The following SLC2A9 variants were observed in gnomAD, a reference collection of about 807,000 sequenced individuals.
The protein encoded by SLC2A9 is solute carrier family 2, facilitated glucose transporter member 9.
Under a neutral mutation model 50.6 loss-of-function variants are expected in SLC2A9, and 39 were observed. The ratio of observed to expected loss-of-function variants is 0.77; its 90% CI spans 0.60 to 1.01. The LOEUF is 1.01. SLC2A9 is among the 50% of genes least tolerant of loss of function. SLC2A9 has a pLI of 0.00. For synonymous variants in SLC2A9, 324 were observed against 276.9 expected, an observed-to-expected ratio of 1.17 and a Z score of -1.69; for missense variants, 686 against 677.6, an observed-to-expected ratio of 1.01 and a Z score of -0.14.
At chr4:9,918,643 C>T (rs1387823068) in intron 7 of SLC2A9, among the ~76,000 whole-genome samples, 1 of 152,206 alleles carries the variant, frequency 6.6e-6, no homozygotes, top group Non-Finnish European at 1.5e-5. Context: ...TCCTGGCCCA[C>T]TCTGAGTGCT....
chr4:9,782,109 T>C lies in SLC2A9; in HGVS notation n.386-2044A>G, dbSNP rs771481750. ...CAGCAGCTGGCGCAGGGGAACGCCG[T>C]GGGGGGCTCGGCGGGGGCACCGCCA... On this transcript the variant is annotated intron_variant and non_coding_transcript_variant, in intron 3 of 3. Coordinates refer to the SLC2A9 transcript ENST00000503803. 9.1e-6 allele frequency: 14 copies of C among 1,546,240 alleles called. No homozygotes were observed. The highest frequency in any genetic ancestry group is 1.2e-5 in the Non-Finnish European group (14 of 1,146,294).
At chr4:9,822,112 C>A (rs576269582), downstream of SLC2A9, among the ~76,000 whole-genome samples, 43 of 152,240 alleles carry the variant, frequency 2.8e-4, no homozygotes, top group South Asian at 8.1e-3. Context: ...TGTGTCCTAT[C>A]TCTCTTATCC....
chr4:9,991,775 C>G (rs1757755385), intron 3 of SLC2A9, among the ~76,000 whole-genome samples: 2 of 152,184 alleles, frequency 1.3e-5, no homozygotes, highest in South Asian at 4.1e-4. Flanking sequence ...AGAAAGCAGC[C>G]ATCTGCAAGC....
intron 6 of SLC2A9, among the ~76,000 whole-genome samples, 156 bp from the exon 7 acceptor site, chr4:9,920,728 C>G (rs1177927172): frequency 6.6e-6 from 1 of 152,152 alleles, no homozygotes; most frequent in African/African-American, 2.4e-5. Context: ...GTCCAAAGCC[C>G]TTGTTTAAAA....
chr4:9,940,211 C>A (rs1321340940), intron 6 of SLC2A9, among the ~76,000 whole-genome samples: 2 of 152,144 alleles, frequency 1.3e-5, no homozygotes, highest in African/African-American at 4.8e-5. Flanking sequence ...GAATCAGATC[C>A]CCTTGGTTCT....
chr4:9,821,865 A>G (rs575066937), downstream of SLC2A9, among the ~76,000 whole-genome samples: 9 of 152,302 alleles, frequency 5.9e-5, no homozygotes, highest in African/African-American at 1.9e-4. Context: ...TGGACCTGGA[A>G]TTTCCTTTGT....
upstream of SLC2A9, among the ~76,000 whole-genome samples, chr4:10,022,668 C>T (rs1763585469): frequency 6.6e-6 from 1 of 152,156 alleles, no homozygotes; most frequent in Admixed American, 6.5e-5. Context: ...GCTCAGTCCA[C>T]AAAAGAGAGA....
chr4:9,799,617 G>A (rs1334272112), intron 3 of SLC2A9, among the ~76,000 whole-genome samples: 1 of 151,186 alleles, frequency 6.6e-6, no homozygotes. Flanking sequence ...ATCCTCTGAT[G>A]TGGACCAGCA....
intron 2 of SLC2A9, among the ~76,000 whole-genome samples, chr4:10,017,214 A>G (rs955047291): frequency 2.6e-5 from 4 of 152,210 alleles, no homozygotes; most frequent in Non-Finnish European, 5.9e-5. Context: ...TCATGTTCCC[A>G]TAGTCAGTGC....
intron 3 of SLC2A9, among the ~76,000 whole-genome samples, chr4:9,816,957 G>T (rs766313079): frequency 3.3e-5 from 5 of 152,098 alleles, no homozygotes; most frequent in African/African-American, 1.2e-4. Context: ...GAATCTTTAG[G>T]GGATAATACA....
downstream of SLC2A9, among the ~76,000 whole-genome samples, chr4:9,797,026 C>T (rs1232818047): frequency 6.6e-6 from 1 of 152,128 alleles, no homozygotes; most frequent in African/African-American, 2.4e-5. Flanking sequence ...TATGATCTAC[C>T]ACAATACTAT....
intron 8 of SLC2A9, among the ~76,000 whole-genome samples, chr4:9,902,153 G>C (rs551827852): frequency 7.0e-6 from 1 of 143,516 alleles, no homozygotes; most frequent in Admixed American, 6.9e-5. Context: ...TATTTAAAAT[G>C]GCAACTGCCC....
At chr4:10,037,895 G>A (rs1764157027) in intron 1 of SLC2A9, among the ~76,000 whole-genome samples, 1 of 152,182 alleles carries the variant, frequency 6.6e-6, no homozygotes, top group Non-Finnish European at 1.5e-5. Context: ...AGGTTGCAGT[G>A]AGCTGAGACG....
chr4:9,852,687 A>T (rs1040978197), intron 10 of SLC2A9, among the ~76,000 whole-genome samples: 1 of 152,256 alleles, frequency 6.6e-6, no homozygotes, highest in Admixed American at 6.5e-5. Flanking sequence ...CAGATCTGCC[A>T]TATAAAAGTT....
intron 10 of SLC2A9, among the ~76,000 whole-genome samples, chr4:9,846,820 A>T (rs937876284): frequency 1.1e-4 from 16 of 152,210 alleles, no homozygotes; most frequent in Non-Finnish European, 2.1e-4. Flanking sequence ...TATTTATTAA[A>T]ATTATTCCAG....
chr4:9,939,543 G>A (rs4697912), intron 6 of SLC2A9, among the ~76,000 whole-genome samples: 152,282 of 152,282 alleles, frequency 1, 76,141 homozygotes, highest in Non-Finnish European at 1. Flanking sequence ...TTCAAATTTC[G>A]GTGCTGTCAT....
chr4:9,952,295 T>C (rs561425691), intron 5 of SLC2A9, among the ~76,000 whole-genome samples: 1 of 152,298 alleles, frequency 6.6e-6, no homozygotes, highest in African/African-American at 2.4e-5. Context: ...GTTATGGGGT[T>C]GGATCCCTCA....
At chr4:9,778,585 C>T (rs2108835859), downstream of SLC2A9, among the ~76,000 whole-genome samples, 1 of 152,308 alleles carries the variant, frequency 6.6e-6, no homozygotes, top group African/African-American at 2.4e-5. Flanking sequence ...CCCCACTTCT[C>T]TGCTCTTTAT....
chr4:9,959,334 G>T (rs1341021945), intron 5 of SLC2A9, among the ~76,000 whole-genome samples: 3 of 151,324 alleles, frequency 2.0e-5, no homozygotes, highest in African/African-American at 4.9e-5. Context: ...AGAGGTTGCA[G>T]TGAGCTGAGA....
Sources: allele counts gnomAD v4.1 joint callset (sites outside exome capture counted in the v4.1 genomes callset), GRCh38; gene constraint gnomAD v4.1.1; transcripts MANE v1.5; gene names NCBI Gene and HGNC (gene_info 2026-07-23, HGNC 2026-07-21).